MARCHF3: variants seen among roughly 807,000 people sequenced by gnomAD.
The protein encoded by MARCHF3 is E3 ubiquitin-protein ligase MARCHF3.
MARCHF3 carries 13 observed loss-of-function variants against 24.2 expected under a neutral mutation model. The observed-to-expected ratio is 0.54, with a 90% CI of 0.35 to 0.85. The LOEUF is 0.85. MARCHF3 is among the 40% of genes least tolerant of loss of function. MARCHF3 has a pLI of 0.01. For missense variants in MARCHF3, 276 were observed against 325.0 expected, an observed-to-expected ratio of 0.85 and a Z score of 1.16; for synonymous variants, 144 against 137.3, an observed-to-expected ratio of 1.05 and a Z score of -0.34.
chr5:126,932,536 G>A (rs1285542930), intron 1 of MARCHF3, among the ~76,000 whole-genome samples: 1 of 152,220 alleles, frequency 6.6e-6, no homozygotes, highest in Non-Finnish European at 1.5e-5. Context: ...CTGGGCTGGG[G>A]AGGATGGGCC....
intron 1 of MARCHF3, among the ~76,000 whole-genome samples, chr5:127,026,144 A>G (rs1384384350): frequency 1.3e-5 from 2 of 152,214 alleles, no homozygotes; most frequent in African/African-American, 2.4e-5. Context: ...GAAGCTTGCA[A>G]TGACCTATGG....
At chr5:126,880,914 C>T (rs1354274792) in intron 3 of MARCHF3, among the ~76,000 whole-genome samples, 1 of 152,094 alleles carries the variant, frequency 6.6e-6, no homozygotes, top group Non-Finnish European at 1.5e-5. Flanking sequence ...CCCTTCCTTT[C>T]TTTTGCTTGG....
intron 1 of MARCHF3, among the ~76,000 whole-genome samples, chr5:126,946,798 C>CTGTGTGTG: frequency 1.3e-5 from 1 of 75,754 alleles, no homozygotes; most frequent in African/African-American, 5.1e-5. Context: ...GTGTGTGTGT[C>CTGTGTGTG]TGTGTGTGTG....
At chr5:126,971,955 G>A (rs1751029177) in intron 1 of MARCHF3, among the ~76,000 whole-genome samples, 6 of 152,168 alleles carry the variant, frequency 3.9e-5, no homozygotes, top group Admixed American at 3.9e-4. Context: ...AGAAACTTAG[G>A]AGGCAAATTA....
At chr5:126,913,396 T>A (rs1479104357) in intron 3 of MARCHF3, among the ~76,000 whole-genome samples, 1 of 152,274 alleles carries the variant, frequency 6.6e-6, no homozygotes, top group Non-Finnish European at 1.5e-5. Context: ...AGCTCCTTTT[T>A]ACTTTGCCAT....
At chr5:126,925,482 T>G (rs1032571640) in intron 1 of MARCHF3, among the ~76,000 whole-genome samples, 1 of 152,174 alleles carries the variant, frequency 6.6e-6, no homozygotes, top group Admixed American at 6.5e-5. Flanking sequence ...AAGTAACAAT[T>G]ATCATATTTA....
chr5:126,948,326 C>T (rs1750098129), intron 1 of MARCHF3, among the ~76,000 whole-genome samples: 1 of 152,188 alleles, frequency 6.6e-6, no homozygotes, highest in African/African-American at 2.4e-5. Context: ...CCTGCCAATA[C>T]TTTATCTTCA....
intron 1 of MARCHF3, among the ~76,000 whole-genome samples, chr5:126,946,893 G>A (rs1750043620): frequency 6.6e-6 from 1 of 151,766 alleles, no homozygotes. Flanking sequence ...ACAAGTTGCT[G>A]CCCAACCAAT....
rs189925085 is a variant in MARCHF3, at chr5:126,885,607, A to G, written c.394-7213T>C. On this transcript the variant is annotated intron_variant, in intron 3 of 4. Coordinates refer to ENST00000308660, the MANE Select transcript of MARCHF3 (RefSeq NM_178450.5). ...AAAATATATCTTGATTAAAAAAAGAAAAAAGGAAAATGAATGAATAAACAT... is the reference window on the plus strand; with the variant it reads ...AAAATATATCTTGATTAAAAAAAGAGAAAAGGAAAATGAATGAATAAACAT... 3.3e-5 allele frequency among the ~76,000 whole-genome samples: 5 copies of G among 152,344 alleles called. No individual in the cohort carries two copies. The East Asian group carries it at 9.6e-4, about 29-fold the overall frequency.
chr5:126,948,402 G>A (rs1309196509), intron 1 of MARCHF3, among the ~76,000 whole-genome samples: 1 of 152,190 alleles, frequency 6.6e-6, no homozygotes, highest in Non-Finnish European at 1.5e-5. Flanking sequence ...TGTTATTCAA[G>A]GGTCAACTGT....
chr5:126,891,979 T>C (rs1287562228), intron 3 of MARCHF3, among the ~76,000 whole-genome samples: 2 of 151,396 alleles, frequency 1.3e-5, no homozygotes, highest in African/African-American at 2.4e-5. Context: ...CAGTGGTTTG[T>C]AGTTCTCCTT....
intron 3 of MARCHF3, among the ~76,000 whole-genome samples, chr5:126,886,519 T>A (rs1306255016): frequency 2.6e-5 from 4 of 152,148 alleles, no homozygotes; most frequent in Non-Finnish European, 4.4e-5. Context: ...CTCAACAGAA[T>A]AAGGATGCTG....
intron 1 of MARCHF3, among the ~76,000 whole-genome samples, chr5:126,989,226 C>T (rs1250590246): frequency 6.6e-6 from 1 of 151,978 alleles, no homozygotes; most frequent in Non-Finnish European, 1.5e-5. Context: ...CTGCAGTCGG[C>T]TATGATCGCA....
intron 1 of MARCHF3, among the ~76,000 whole-genome samples, chr5:126,970,550 G>A (rs1178495503): frequency 2.0e-5 from 3 of 151,870 alleles, no homozygotes; most frequent in African/African-American, 7.3e-5. Flanking sequence ...ATGCTATTCA[G>A]GAACATCTAA....
intron 1 of MARCHF3, among the ~76,000 whole-genome samples, chr5:126,940,339 C>T (rs1406464305): frequency 6.6e-6 from 1 of 152,180 alleles, no homozygotes; most frequent in Non-Finnish European, 1.5e-5. Context: ...TATTTATCTC[C>T]TTTACTCCTA....
intron 3 of MARCHF3, among the ~76,000 whole-genome samples, chr5:126,908,528 T>A (rs1754386464): frequency 6.6e-6 from 1 of 152,168 alleles, no homozygotes; most frequent in Non-Finnish European, 1.5e-5. Context: ...TTCTTTTTAT[T>A]CTTTTTTCTC....
At chr5:126,906,153 C>G (rs1311795551) in intron 3 of MARCHF3, among the ~76,000 whole-genome samples, 6 of 150,640 alleles carry the variant, frequency 4.0e-5, no homozygotes, top group African/African-American at 1.5e-4. Flanking sequence ...GCCTTGCATC[C>G]CAGGGATGAA....
intron 1 of MARCHF3, among the ~76,000 whole-genome samples, chr5:126,991,526 A>G (rs1414379927): frequency 6.6e-6 from 1 of 152,162 alleles, no homozygotes; most frequent in Non-Finnish European, 1.5e-5. Flanking sequence ...GTGCACATGT[A>G]CCCTAGAACT....
intron 1 of MARCHF3, among the ~76,000 whole-genome samples, chr5:126,918,896 T>TTATTCATGAA (rs1455520889): frequency 2.6e-5 from 4 of 152,246 alleles, no homozygotes; most frequent in African/African-American, 9.6e-5. Flanking sequence ...TGTCTTCAAG[T>TTATTCATGAA]TATTCATGAA....
Sources: allele counts gnomAD v4.1 joint callset (sites outside exome capture counted in the v4.1 genomes callset), GRCh38; gene constraint gnomAD v4.1.1; transcripts MANE v1.5; gene names NCBI Gene and HGNC (gene_info 2026-07-23, HGNC 2026-07-21).